The following UGT2B4 variants were observed in gnomAD, a reference collection of about 807,000 sequenced individuals.
UGT2B4 encodes the protein UDP-glucuronosyltransferase 2B4.
A neutral mutation model predicts 49.8 loss-of-function variants in UGT2B4; 49 were observed. The observed-to-expected ratio is 0.98, with a 90% CI of 0.78 to 1.25. The LOEUF (loss-of-function observed/expected upper bound fraction) is 1.25. Ranked by LOEUF, UGT2B4 falls within the 50% of genes most tolerant of loss-of-function variation. The probability of loss-of-function intolerance (pLI) is 0.00; values close to 1 mark genes in which losing one functional copy is unlikely to be tolerated. For synonymous variants in UGT2B4, 246 were observed against 217.7 expected, an observed-to-expected ratio of 1.13 and a Z score of -1.14; for missense variants, 729 against 627.7, an observed-to-expected ratio of 1.16 and a Z score of -1.73.
At chr4:69,504,853 A>G (rs1414318124) in intron 1 of UGT2B4, among the ~76,000 whole-genome samples, 1 of 152,168 alleles carries the variant, frequency 6.6e-6, no homozygotes, top group Non-Finnish European at 1.5e-5. Flanking sequence ...AAAGATAGTG[A>G]GAAAGACCAG....
chr4:69,500,606 GAAGAAAGAAAGAAAGAAAGAAAGAAAGA>G (rs61653936), upstream of UGT2B4, among the ~76,000 whole-genome samples: 2 of 99,510 alleles, frequency 2.0e-5, no homozygotes, highest in African/African-American at 8.6e-5. Flanking sequence ...AGAAAGCAAG[GAAGAAAGAAAGAAAGAAAGAAAGAAAGA>G]AAGAAAGAAA....
chr4:69,508,462 C>T (rs2109825870), intron 1 of UGT2B4, among the ~76,000 whole-genome samples: 1 of 152,278 alleles, frequency 6.6e-6, no homozygotes, highest in Admixed American at 6.5e-5. Flanking sequence ...AAATGCTCAT[C>T]AGTGATAGAC....
intron 1 of UGT2B4, among the ~76,000 whole-genome samples, chr4:69,510,778 T>C (rs1361308548): frequency 6.6e-6 from 1 of 152,088 alleles, no homozygotes; most frequent in Non-Finnish European, 1.5e-5. Flanking sequence ...GAGGTGATTT[T>C]CCTTTCTGTG....
intron 5 of UGT2B4, among the ~76,000 whole-genome samples, chr4:69,482,138 G>A (rs1037575067): frequency 5.9e-5 from 9 of 151,994 alleles, no homozygotes; most frequent in Non-Finnish European, 8.8e-5. Flanking sequence ...ACCCACACTT[G>A]GAGTATTCTT....
At chr4:69,502,091 C>CTCTTTCTTTCTTTCTTTCTTTCTT (rs1157898949) in intron 1 of UGT2B4, among the ~76,000 whole-genome samples, 1 of 108,418 alleles carries the variant, frequency 9.2e-6, no homozygotes, top group East Asian at 2.6e-4. Context: ...TTCTTTCTCT[C>CTCTTTCTTTCTTTCTTTCTTTCTT]TCTTTCTTTC....
At chr4:69,524,344 T>C (rs1310359488) in intron 1 of UGT2B4, among the ~76,000 whole-genome samples, 3 of 151,924 alleles carry the variant, frequency 2.0e-5, no homozygotes, top group Non-Finnish European at 4.4e-5. Context: ...TTAGAGAGCT[T>C]TGTAAGATTA....
chr4:69,500,210 A>C (rs1320340648), upstream of UGT2B4, among the ~76,000 whole-genome samples: 1 of 152,122 alleles, frequency 6.6e-6, no homozygotes, highest in Non-Finnish European at 1.5e-5. Flanking sequence ...ACACGTGGAC[A>C]CATGGAGGGG....
intron 1 of UGT2B4, among the ~76,000 whole-genome samples, chr4:69,516,007 C>T (rs1728722937): frequency 6.6e-6 from 1 of 152,150 alleles, no homozygotes; most frequent in South Asian, 2.1e-4. Context: ...CCCTGTTTCT[C>T]CTTCAGGTCC....
chr4:69,493,698 G>T lies in UGT2B4; in HGVS notation c.865C>A (p.Pro289Thr). ...AACAAACAGTAATAGTTTACCTTCG[G>T]TAGGGGTTTGGCAGGTTTGCAGTGG... ...GLHCKPAKPL[P>T]KEMEEFVQSS... Residue 289 changes from proline to threonine, a missense_variant, in exon 2 of 6, where the codon CCG (proline) becomes ACG (threonine). Pro to Thr is a conservative substitution (Grantham distance 38). Transcript: ENST00000305107. The T allele has an allele frequency of 6.2e-7, 1 of 1,606,040 alleles. No homozygotes were observed. Among genetic ancestry groups the T allele is most frequent in the South Asian group, 1.1e-5 (1 of 89,116 alleles).
rs1728142007 is a variant in UGT2B4, at chr4:69,495,746, A to G, written c.116T>C (p.Ile39Thr). ...GACAAGTTCATCCAGGATTGTCTTT[A>G]TATTCATCCAGTGGCTGAATTCTGT... ...WPTEFSHWMNIKTILDELVQR... is the reference protein window; with the variant it reads ...WPTEFSHWMNTKTILDELVQR... The change falls in exon 1 of 6, where the codon ATA becomes ACA. Residue 39 changes from isoleucine to threonine, a missense_variant. Physicochemically the swap from Ile to Thr is moderately conservative, Grantham distance 89. Coordinates refer to ENST00000305107, the MANE Select transcript of UGT2B4 (RefSeq NM_021139.3). 3 of 1,613,960 alleles carry G rather than the reference A, an allele frequency of 1.9e-6. No homozygotes were observed. The East Asian group carries it at 6.7e-5, about 36-fold the overall frequency.
At chr4:69,496,991 T>G (rs1728185748), upstream of UGT2B4, among the ~76,000 whole-genome samples, 1 of 151,892 alleles carries the variant, frequency 6.6e-6, no homozygotes, top group Non-Finnish European at 1.5e-5. Context: ...GTACATTCAG[T>G]ATTAATTATT....
chr4:69,525,364 A>G (rs1728956582), intron 1 of UGT2B4, among the ~76,000 whole-genome samples: 1 of 152,210 alleles, frequency 6.6e-6, no homozygotes, highest in African/African-American at 2.4e-5. Flanking sequence ...AGACTAGAAG[A>G]AATGCACAAA....
intron 1 of UGT2B4, among the ~76,000 whole-genome samples, chr4:69,505,044 C>T (rs1022839659): frequency 1.3e-5 from 2 of 152,048 alleles, no homozygotes; most frequent in African/African-American, 4.8e-5. Context: ...ACCACACCTG[C>T]CTTACAAAAG....
intron 1 of UGT2B4, among the ~76,000 whole-genome samples, chr4:69,522,274 T>G (rs1039578643): frequency 4.6e-5 from 7 of 152,210 alleles, no homozygotes; most frequent in African/African-American, 1.7e-4. Flanking sequence ...AACCTAAGTT[T>G]GAATGTTTCT....
At chr4:69,500,578 A>AAAGC (rs1728278566), upstream of UGT2B4, among the ~76,000 whole-genome samples, 22 of 145,580 alleles carry the variant, frequency 1.5e-4, no homozygotes, top group Middle Eastern at 3.5e-3. Flanking sequence ...AGAAAGCAAG[A>AAAGC]AAGCAAGAAA....
At chr4:69,496,732 T>C (rs1728177836), upstream of UGT2B4, among the ~76,000 whole-genome samples, 2 of 152,216 alleles carry the variant, frequency 1.3e-5, no homozygotes, top group Admixed American at 6.5e-5. Context: ...TCTGTCTCTA[T>C]AGATTTGCCT....
chr4:69,488,369 C>T (rs537651445), intron 3 of UGT2B4, among the ~76,000 whole-genome samples: 26 of 151,790 alleles, frequency 1.7e-4, no homozygotes, highest in African/African-American at 6.3e-4. Flanking sequence ...GTTTAAGTTA[C>T]TAATTTTGGA....
intron 1 of UGT2B4, among the ~76,000 whole-genome samples, chr4:69,511,152 G>A (rs1017152031): frequency 8.6e-5 from 13 of 151,312 alleles, no homozygotes; most frequent in African/African-American, 2.7e-4. Context: ...CCACCACGCC[G>A]GCTAATTTTT....
rs1409839075 is a variant in UGT2B4, at chr4:69,486,534, C to T, written c.1090+75G>A. On this transcript the variant is annotated intron_variant, in intron 4 of 5. Transcript: ENST00000305107. Reference sequence around the variant, plus strand: ...TTTTCCATAACAAATGTTCAGTAAGCTTGTTTCATGATAACTATTAACACT... The same window carrying T: ...TTTTCCATAACAAATGTTCAGTAAGTTTGTTTCATGATAACTATTAACACT... 3.9e-5 allele frequency: 39 copies of T among 996,400 alleles called. No individual in the cohort carries two copies. In the East Asian group the frequency reaches 5.7e-4, roughly 15 times the overall value. The allele number at this position is 996,400 out of a possible 1,614,324, so 61.7% of individuals were successfully genotyped here.
Sources: gnomAD v4.1 joint callset for allele counts (sites outside exome capture counted in the v4.1 genomes callset) on GRCh38, gnomAD v4.1.1 for gene constraint, MANE v1.5 for transcripts, NCBI Gene and HGNC (gene_info 2026-07-23, HGNC 2026-07-21) for gene names.